Variants in FRMD3 observed in about 807,000 individuals in gnomAD.
FRMD3 encodes the protein FERM domain containing 3.
A neutral mutation model predicts 70.2 loss-of-function variants in FRMD3; 33 were observed. The ratio of observed to expected loss-of-function variants is 0.47; its 90% CI spans 0.36 to 0.63. The LOEUF is 0.63. Among genes scored for constraint, FRMD3 ranks in the 20% least tolerant of loss-of-function variants. The pLI is 0.00. For synonymous variants in FRMD3, 279 were observed against 255.9 expected (o/e 1.09, Z -0.86); for missense variants, 632 against 711.4 (o/e 0.89, Z 1.27).
chr9:83,542,150 T>A (rs552312266), upstream of FRMD3, among the ~76,000 whole-genome samples: 30 of 152,242 alleles, frequency 2.0e-4, 1 homozygote, highest in South Asian at 5.8e-3. Context: ...CAGTTCTTAC[T>A]AAAGAAGTGG....
intron 1 of FRMD3, among the ~76,000 whole-genome samples, chr9:83,420,165 ACT>A (rs1826589660): frequency 6.6e-6 from 1 of 152,174 alleles, no homozygotes; most frequent in African/African-American, 2.4e-5. Context: ...TACCCTGTAA[ACT>A]CTACTGCAGA....
chr9:83,329,064 A>T (rs1033783540), intron 6 of FRMD3, among the ~76,000 whole-genome samples: 4 of 152,170 alleles, frequency 2.6e-5, no homozygotes, highest in African/African-American at 9.6e-5. Flanking sequence ...GCTAGATTTC[A>T]CCTGTATAAA....
At chr9:83,349,850 T>G in intron 3 of FRMD3, 93 bp from the exon 4 acceptor site, 1 of 906,948 alleles carries the variant, frequency 1.1e-6, no homozygotes, top group Non-Finnish European at 1.7e-6. Context: ...CCTGACAGAC[T>G]AGCCTGGGGA....
chr9:83,305,258 C>T (rs1835083885), intron 10 of FRMD3, among the ~76,000 whole-genome samples: 1 of 152,140 alleles, frequency 6.6e-6, no homozygotes, highest in Non-Finnish European at 1.5e-5. Context: ...TCAGAGTCTT[C>T]CCAATGAAAA....
chr9:83,498,040 T>G (rs920891778), intron 1 of FRMD3, among the ~76,000 whole-genome samples: 3 of 151,990 alleles, frequency 2.0e-5, no homozygotes, highest in Non-Finnish European at 4.4e-5. Flanking sequence ...CCCAGCTCCT[T>G]GGGAGGCTGA....
At position 83,340,548 on chromosome 9, in the gene FRMD3, A is replaced by G. The variant is rs555481286; in HGVS notation, c.472+2642T>C. Among the ~76,000 whole-genome samples the G allele has an allele frequency of 2.0e-5, 3 of 152,320 alleles. No homozygotes were observed. In the South Asian group the frequency reaches 6.2e-4, roughly 32 times the overall value. Reference sequence around the variant, plus strand: ...GAGTCAAGATTTCTACAGGGGTTGAACATACCAGGCAGAGGAGATAAGTTG... The same window carrying G: ...GAGTCAAGATTTCTACAGGGGTTGAGCATACCAGGCAGAGGAGATAAGTTG... On this transcript the variant is annotated intron_variant, in intron 5 of 13. Coordinates refer to ENST00000304195, the MANE Select transcript of FRMD3 (RefSeq NM_174938.6).
At chr9:83,573,738 T>TTCTCTCTCTC in the FRMD3 span, among the ~76,000 whole-genome samples, 6 of 146,158 alleles carry the variant, frequency 4.1e-5, no homozygotes, top group African/African-American at 1.5e-4. Flanking sequence ...AAAAGAACGA[T>TTCTCTCTCTC]TCTCTCTCTC....
At chr9:83,508,834 GC>G (rs1410419131) in intron 1 of FRMD3, among the ~76,000 whole-genome samples, 7 of 152,180 alleles carry the variant, frequency 4.6e-5, no homozygotes. Context: ...GTCTACAGCT[GC>G]TTTTGCACCA....
At chr9:83,315,703 A>T (rs946807859) in intron 6 of FRMD3, among the ~76,000 whole-genome samples, 1 of 152,112 alleles carries the variant, frequency 6.6e-6, no homozygotes, top group South Asian at 2.1e-4. Context: ...AAACCTCTTA[A>T]TTACCCAGTC....
chr9:83,309,471 G>C (rs1835269053), intron 10 of FRMD3, 65 bp downstream of exon 10: 4 of 938,092 alleles, frequency 4.3e-6, no homozygotes, highest in Non-Finnish European at 6.6e-6. Flanking sequence ...GCAGCCATTT[G>C]CAAAACATAA....
intron 1 of FRMD3, among the ~76,000 whole-genome samples, chr9:83,412,793 G>A (rs903974301): frequency 1.3e-5 from 2 of 152,114 alleles, no homozygotes; most frequent in East Asian, 1.9e-4. Context: ...TCAGGAGTTC[G>A]AGACCAGTCT....
At chr9:83,479,624 A>AAAGGAAGGAAGGAAGG (rs1175480479) in intron 1 of FRMD3, among the ~76,000 whole-genome samples, 3 of 61,432 alleles carry the variant, frequency 4.9e-5, no homozygotes, top group African/African-American at 7.0e-5. Context: ...GACCCTGAAG[A>AAAGGAAGGAAGGAAGG]AAGGAAGGAA....
At chr9:83,402,735 A>C (rs1274389067) in intron 1 of FRMD3, among the ~76,000 whole-genome samples, 1 of 152,110 alleles carries the variant, frequency 6.6e-6, no homozygotes, top group African/African-American at 2.4e-5. Context: ...AGTAGCAAAA[A>C]TACTTGAAAA....
chr9:83,329,600 G>A (rs528704653), intron 6 of FRMD3, among the ~76,000 whole-genome samples: 1 of 152,266 alleles, frequency 6.6e-6, no homozygotes, highest in East Asian at 1.9e-4. Flanking sequence ...ATGATTTACA[G>A]AGAATATAAC....
At chr9:83,496,632 C>A (rs2131505750) in intron 1 of FRMD3, among the ~76,000 whole-genome samples, 2 of 117,614 alleles carry the variant, frequency 1.7e-5, no homozygotes, top group South Asian at 2.5e-4. Flanking sequence ...TGTAAGTTCC[C>A]CTTGAAAGCA....
intron 1 of FRMD3, among the ~76,000 whole-genome samples, chr9:83,433,629 C>A (rs145938834): frequency 6.6e-6 from 1 of 152,070 alleles, no homozygotes; most frequent in African/African-American, 2.4e-5. Flanking sequence ...AATGTAGAAT[C>A]AGTGGGAGCC....
chr9:83,377,144 G>T (rs772349258), intron 2 of FRMD3, among the ~76,000 whole-genome samples: 6 of 152,172 alleles, frequency 3.9e-5, no homozygotes, highest in Non-Finnish European at 7.4e-5. Context: ...GAGACAGCCA[G>T]AAATTGGGAA....
intron 1 of FRMD3, among the ~76,000 whole-genome samples, chr9:83,446,601 C>T (rs1289371496): frequency 2.1e-5 from 3 of 145,380 alleles, no homozygotes; most frequent in African/African-American, 2.6e-5. Context: ...GAGCCGAGAT[C>T]GCGCCACTGC....
chr9:83,311,083 C>A (rs1361058618), intron 8 of FRMD3, among the ~76,000 whole-genome samples: 3 of 152,104 alleles, frequency 2.0e-5, no homozygotes, highest in Non-Finnish European at 4.4e-5. Flanking sequence ...AAACATGTGA[C>A]CCAATTCTGT....
Sources: allele counts gnomAD v4.1 joint callset (sites outside exome capture counted in the v4.1 genomes callset), GRCh38; gene constraint gnomAD v4.1.1; transcripts MANE v1.5; gene names NCBI Gene and HGNC (gene_info 2026-07-23, HGNC 2026-07-21).